KCNH8: variants seen among roughly 807,000 people sequenced by gnomAD.
KCNH8 encodes potassium voltage-gated channel subfamily H member 8.
KCNH8 carries 70 observed loss-of-function variants against 103.6 expected under a neutral mutation model. The ratio of observed to expected loss-of-function variants is 0.68; its 90% CI spans 0.56 to 0.82. The LOEUF is 0.82. Among genes scored for constraint, KCNH8 ranks in the 40% least tolerant of loss-of-function variants. The pLI is 0.00. For synonymous variants in KCNH8, 498 were observed against 489.4 expected, an observed-to-expected ratio of 1.02 and a Z score of -0.23; for missense variants, 1,217 against 1,329.9, an observed-to-expected ratio of 0.92 and a Z score of 1.32.
intron 11 of KCNH8, among the ~76,000 whole-genome samples, chr3:19,490,612 G>A (rs2068299367): frequency 1.3e-5 from 2 of 152,200 alleles, no homozygotes; most frequent in South Asian, 2.1e-4. Flanking sequence ...TCTGCCTGTG[G>A]ATTTCATTTC....
intron 5 of KCNH8, among the ~76,000 whole-genome samples, chr3:19,385,488 G>A (rs1464337340): frequency 2.0e-5 from 3 of 152,208 alleles, no homozygotes; most frequent in Admixed American, 6.5e-5. Context: ...CCCTTTGTCA[G>A]CTTCATTTTT....
intron 3 of KCNH8, among the ~76,000 whole-genome samples, chr3:19,334,363 T>A (rs1267424307): frequency 1.3e-5 from 2 of 151,984 alleles, no homozygotes; most frequent in East Asian, 3.9e-4. Flanking sequence ...CTTCAGGAGG[T>A]CGAGGCTATA....
At chr3:19,265,135 G>C (rs2064489922) in intron 2 of KCNH8, among the ~76,000 whole-genome samples, 1 of 152,078 alleles carries the variant, frequency 6.6e-6, no homozygotes, top group Non-Finnish European at 1.5e-5. Flanking sequence ...TAGAATCTCA[G>C]CTCTCTACAT....
At chr3:19,311,955 A>G (rs1052239608) in intron 3 of KCNH8, among the ~76,000 whole-genome samples, 10 of 151,968 alleles carry the variant, frequency 6.6e-5, no homozygotes, top group African/African-American at 2.4e-4. Flanking sequence ...CCTAATTGAT[A>G]TAAGGCTGAC....
chr3:19,237,437 G>C (rs1449431221), intron 1 of KCNH8, among the ~76,000 whole-genome samples: 1 of 152,194 alleles, frequency 6.6e-6, no homozygotes, highest in Non-Finnish European at 1.5e-5. Context: ...GGCAGCCCTG[G>C]TGGTTGTTCT....
Position 19,510,391 on chromosome 3 carries a change from T to A in KCNH8, c.2069T>A (p.Met690Lys). ...DVISRLSNKS[M>K]VSQSEPKGNG... Reference sequence around the variant, plus strand: ...ATATCAAGACTATCAAACAAATCTATGGTCTCACAGGTATGGCTTTTGCTA... The same window carrying A: ...ATATCAAGACTATCAAACAAATCTAAGGTCTCACAGGTATGGCTTTTGCTA... Residue 690 changes from methionine to lysine, a missense_variant, in exon 12 of 16, where the codon ATG (methionine) becomes AAG (lysine). Physicochemically the swap from Met to Lys is moderately conservative, Grantham distance 95 (BLOSUM62 -1). Around this residue, in one of 3 missense-constraint regions of KCNH8, gnomAD observed 558 missense variants for 495.8 expected, o/e 1.13. Coordinates refer to ENST00000328405, the MANE Select transcript of KCNH8 (RefSeq NM_144633.3). The A allele has an allele frequency of 6.3e-7, 1 of 1,580,786 alleles. No individual in the cohort carries two copies. The highest frequency in any genetic ancestry group is 8.7e-7 in the Non-Finnish European group (1 of 1,149,924).
At chr3:19,395,376 G>T in intron 7 of KCNH8, 65 bp downstream of exon 7, 2 of 1,125,316 alleles carry the variant, frequency 1.8e-6, no homozygotes, top group Non-Finnish European at 2.6e-6. Context: ...TCAAGAACTT[G>T]GAGGAAGTGA....
intron 5 of KCNH8, among the ~76,000 whole-genome samples, chr3:19,351,100 G>C (rs1344565169): frequency 6.6e-6 from 1 of 152,054 alleles, no homozygotes; most frequent in Non-Finnish European, 1.5e-5. Flanking sequence ...ACAAGCTTCA[G>C]TAGCCAATTC....
chr3:19,318,048 AG>A (rs1312698239), intron 3 of KCNH8, among the ~76,000 whole-genome samples: 5 of 152,028 alleles, frequency 3.3e-5, no homozygotes, highest in African/African-American at 7.2e-5. Flanking sequence ...CTCTGTTTGC[AG>A]ATGACATGAT....
chr3:19,294,680 T>G (rs553771108), intron 3 of KCNH8, among the ~76,000 whole-genome samples: 65 of 152,296 alleles, frequency 4.3e-4, no homozygotes, highest in Admixed American at 2.9e-3. Context: ...AATGTCTTTT[T>G]CTCCCAAAAC....
At chr3:19,165,992 A>G (rs2063279400) in intron 1 of KCNH8, among the ~76,000 whole-genome samples, 1 of 152,162 alleles carries the variant, frequency 6.6e-6, no homozygotes, top group Admixed American at 6.5e-5. Flanking sequence ...TGCTTGTGTC[A>G]TGTTCGTTAA....
chr3:19,197,280 C>T (rs906159561), intron 1 of KCNH8, among the ~76,000 whole-genome samples: 9 of 151,982 alleles, frequency 5.9e-5, no homozygotes, highest in Non-Finnish European at 1.0e-4. Flanking sequence ...AGCAACACAC[C>T]TTATTCTTAG....
intron 3 of KCNH8, among the ~76,000 whole-genome samples, chr3:19,323,585 G>T (rs1015583889): frequency 2.0e-5 from 3 of 152,146 alleles, no homozygotes; most frequent in African/African-American, 7.2e-5. Context: ...ACCTTGTTTT[G>T]TCATTTACCA....
chr3:19,341,224 G>C (rs1219665235), intron 3 of KCNH8, among the ~76,000 whole-genome samples: 1 of 152,066 alleles, frequency 6.6e-6, no homozygotes, highest in Non-Finnish European at 1.5e-5. Flanking sequence ...CCAGAGGAAG[G>C]TTATATACTG....
At chr3:19,474,617 C>G (rs1021292867) in intron 11 of KCNH8, among the ~76,000 whole-genome samples, 1 of 152,072 alleles carries the variant, frequency 6.6e-6, no homozygotes, top group Non-Finnish European at 1.5e-5. Context: ...AATTGGGATT[C>G]AAAGGGTTTG....
At chr3:19,509,104 T>C (rs2068742430) in intron 11 of KCNH8, among the ~76,000 whole-genome samples, 1 of 152,234 alleles carries the variant, frequency 6.6e-6, no homozygotes, top group Admixed American at 6.5e-5. Context: ...GCTGTTTTAT[T>C]TGTCACCATT....
chr3:19,398,803 T>C (rs910045224), intron 7 of KCNH8, among the ~76,000 whole-genome samples: 5 of 152,064 alleles, frequency 3.3e-5, no homozygotes, highest in Non-Finnish European at 7.4e-5. Flanking sequence ...CTCATTATCA[T>C]TGTATTATGA....
intron 2 of KCNH8, among the ~76,000 whole-genome samples, chr3:19,280,446 C>T (rs1268426969): frequency 1.3e-5 from 2 of 151,988 alleles, no homozygotes; most frequent in Non-Finnish European, 2.9e-5. Context: ...CCAAAGTAAC[C>T]GTTAACCTGA....
chr3:19,301,297 A>G (rs543084405), intron 3 of KCNH8, among the ~76,000 whole-genome samples: 5 of 150,404 alleles, frequency 3.3e-5, no homozygotes, highest in African/African-American at 7.3e-5. Context: ...AAAATGTTAC[A>G]TGGTCATCTA....
Sources: gnomAD v4.1 joint callset for allele counts (sites outside exome capture counted in the v4.1 genomes callset) on GRCh38, gnomAD v4.1.1 for gene constraint, gnomAD v4.1.1 regional missense constraint, MANE v1.5 for transcripts, NCBI Gene and HGNC (gene_info 2026-07-23, HGNC 2026-07-21) for gene names.